The following TRPV1 variants were observed in gnomAD, a reference collection of about 807,000 sequenced individuals.
TRPV1 encodes the protein OTRPC1.
TRPV1 carries 82 observed loss-of-function variants against 82.3 expected under a neutral mutation model. That is an observed-to-expected ratio of 1.00 (90% CI 0.83 to 1.20). The LOEUF (loss-of-function observed/expected upper bound fraction) is 1.20, where lower values mean the gene tolerates loss of function less well. Ranked by LOEUF, TRPV1 falls within the 50% of genes most tolerant of loss-of-function variation. The pLI is 0.00. For missense variants in TRPV1, 1,067 were observed against 1,096.8 expected (o/e 0.97, Z 0.38); for synonymous variants, 515 against 467.7 (o/e 1.10, Z -1.30).
chr17:3,598,921 G>T (rs984232996), intron 2 of TRPV1, among the ~76,000 whole-genome samples: 1 of 150,674 alleles, frequency 6.6e-6, no homozygotes, highest in African/African-American at 2.4e-5. Flanking sequence ...TAATATGAAC[G>T]TTAGAATTCA....
chr17:3,583,489 G>A, intron 9 of TRPV1, 59 bp from the exon 10 acceptor site: 1 of 1,364,232 alleles, frequency 7.3e-7, no homozygotes, highest in East Asian at 2.5e-5. Flanking sequence ...CAACAAACAT[G>A]GACCAGGTCC....
chr17:3,594,160 C>CAAAAAAAA lies in TRPV1; in HGVS notation c.-33-1778_-33-1777insTTTTTTTT, dbSNP rs1567673375. On this transcript the variant is annotated intron_variant, in intron 2 of 16. Coordinates refer to ENST00000572705, the MANE Select transcript of TRPV1 (RefSeq NM_080704.4). ...AAAAAAAAAAAAAAAAAAGAAGCAGCAGCAGCAGCAGCAGCAGCAGCTGCA... is the reference window on the plus strand; with the variant it reads ...AAAAAAAAAAAAAAAAAAGAAGCAGCAAAAAAAAAGCAGCAGCAGCAGCAGCAGCTGCA... 3.0e-3 allele frequency among the ~76,000 whole-genome samples: 345 copies of CAAAAAAAA among 115,726 alleles called. 32 individuals carry two copies. The highest frequency in any genetic ancestry group is 0.025 in the African/African-American group (318 of 12,678). The allele number at this position is 115,726 out of a possible 152,430, so 75.9% of individuals were successfully genotyped here.
At position 3,577,633 on chromosome 17, in the gene TRPV1, G is replaced by A. The variant is rs199723270; in HGVS notation, c.1678C>T (p.Gln560Ter). 4.4e-5 allele frequency: 69 copies of A among 1,583,202 alleles called. No individual in the cohort carries two copies. Among genetic ancestry groups the A allele is most frequent in the Non-Finnish European group, 5.5e-5 (64 of 1,165,070 alleles). ...ATGACGGCATAGATGCCCATCTGCT[G>A]GAAACCGCGGGTGTAGTAGAGCATG... The part of the protein sequence containing the change: ...TNMLYYTRGF[Q>*]QMGIYAVMIE... Residue 560 changes from glutamine (Q) to a stop codon, truncating the protein, a stop_gained, in exon 12 of 17, where the codon CAG becomes TAG. Transcript: ENST00000572705. LOFTEE classifies it high-confidence loss of function.
At chr17:3,593,262 C>T (rs182575932) in intron 2 of TRPV1, among the ~76,000 whole-genome samples, 14 of 152,218 alleles carry the variant, frequency 9.2e-5, no homozygotes, top group South Asian at 6.2e-4. Flanking sequence ...GGATTACAGG[C>T]GCCCGCCACC....
chr17:3,585,469 G>A (rs543719226), intron 9 of TRPV1: 82 of 321,022 alleles, frequency 2.6e-4, no homozygotes, highest in African/African-American at 1.2e-3. Flanking sequence ...CTTTCTAACC[G>A]AGTACACCCC....
At chr17:3,596,862 A>G (rs1320263034) in intron 2 of TRPV1, 1 of 152,276 alleles carries the variant, frequency 6.6e-6, no homozygotes, top group Non-Finnish European at 1.5e-5. Flanking sequence ...GCCACTCACT[A>G]TGCCATCTTA....
rs2075322540 is a variant in TRPV1 at position 3,609,374 on chromosome 17, G to C, written c.-238C>G. The C allele has an allele frequency of 6.7e-6, 1 of 150,364 alleles. No individual in the cohort carries two copies. Among genetic ancestry groups the C allele is most frequent in the Non-Finnish European group, 1.5e-5 (1 of 67,694 alleles). 9.3% of individuals were successfully genotyped at this position (150,364 alleles called of 1,614,324 possible). On this transcript the variant is annotated 5_prime_UTR_variant, in exon 1 of 17. Coordinates refer to ENST00000572705, the MANE Select transcript of TRPV1 (RefSeq NM_080704.4). ...GAATACGACTGCTTCCCAAACTCGTGGTTGCCAGCGTGACTCTGGGCCAGG... is the reference window on the plus strand; with the variant it reads ...GAATACGACTGCTTCCCAAACTCGTCGTTGCCAGCGTGACTCTGGGCCAGG...
intron 11 of TRPV1, 33 bp from the exon 12 acceptor site, chr17:3,577,796 G>A (rs565878520): frequency 7.0e-6 from 11 of 1,566,450 alleles, no homozygotes; most frequent in African/African-American, 4.1e-5. Flanking sequence ...CTCCGTCTAC[G>A]GGAACCCAGG....
chr17:3,576,668 A>AAAAATATATATATATATATAT, intron 13 of TRPV1, among the ~76,000 whole-genome samples: 6 of 38,422 alleles, frequency 1.6e-4, no homozygotes, highest in Admixed American at 4.5e-4. Context: ...AAAAAAAAAA[A>AAAAATATATATATATATATAT]ATATATATAT....
chr17:3,575,573 A>C (rs2074919110), intron 13 of TRPV1, among the ~76,000 whole-genome samples: 2 of 152,188 alleles, frequency 1.3e-5, no homozygotes, highest in Non-Finnish European at 2.9e-5. Context: ...ACTCCTGGTG[A>C]AAGTCTGATG....
At position 3,587,761 on chromosome 17, in the gene TRPV1, C is replaced by T. The variant is rs961041495; in HGVS notation, c.1224+427G>A. 1.1e-4 allele frequency among the ~76,000 whole-genome samples: 17 copies of T among 150,686 alleles called. 3 individuals are homozygous for T. Among genetic ancestry groups the T allele is most frequent in the East Asian group, 2.0e-4 (1 of 5,116 alleles). On this transcript the variant is annotated intron_variant, in intron 8 of 16. Coordinates refer to ENST00000572705, the MANE Select transcript of TRPV1 (RefSeq NM_080704.4). Reference sequence around the variant, plus strand: ...CCGGGAGATAGAGGTTGCAGTGAGCCGGGATGGCACCATTTCACTCCAGCC... The same window carrying T: ...CCGGGAGATAGAGGTTGCAGTGAGCTGGGATGGCACCATTTCACTCCAGCC...
chr17:3,573,670 T>A lies in TRPV1; in HGVS notation c.2066A>T (p.Lys689Met). The A allele has an allele frequency of 6.2e-7, 1 of 1,613,972 alleles. No homozygotes were observed. Among genetic ancestry groups the A allele is most frequent in the African/African-American group, 1.3e-5 (1 of 74,992 alleles). Residue 689 changes from lysine (K) to methionine (M), a missense_variant, in exon 14 of 17, where the codon AAG (lysine) becomes ATG (methionine). Lys to Met is a moderately conservative substitution (Grantham distance 95, BLOSUM62 -1). Coordinates refer to ENST00000572705, the MANE Select transcript of TRPV1 (RefSeq NM_080704.4). ...GATGTTCTTGCTCTCCTGTGCGATCTTGTTGACAGTCTCACCCATGAGGGC... is the reference window on the plus strand; with the variant it reads ...GATGTTCTTGCTCTCCTGTGCGATCATGTTGACAGTCTCACCCATGAGGGC... ...LIALMGETVN[K>M]IAQESKNIWK...
intron 2 of TRPV1, among the ~76,000 whole-genome samples, chr17:3,607,255 A>C (rs551607735): frequency 9.2e-4 from 140 of 152,020 alleles, no homozygotes; most frequent in African/African-American, 2.9e-3. Flanking sequence ...GAGGTACAAG[A>C]ATTGCTTGAA....
chr17:3,595,414 C>T (rs2075210491), intron 2 of TRPV1, among the ~76,000 whole-genome samples: 1 of 152,096 alleles, frequency 6.6e-6, no homozygotes, highest in Non-Finnish European at 1.5e-5. Flanking sequence ...AGCAGTTCAA[C>T]TCAGACCCAG....
rs947124996 is a variant in TRPV1 at position 3,565,453 on chromosome 17, A to C, written c.*1362T>G. The C allele has an allele frequency of 6.6e-6, 1 of 152,242 alleles. No individual in the cohort carries two copies. Among genetic ancestry groups the C allele is most frequent in the Non-Finnish European group, 1.5e-5 (1 of 68,060 alleles). The allele number at this position is 152,242 out of a possible 1,614,324, so 9.4% of individuals were successfully genotyped here. ...TTTACACTTGACACGATATATATGT[A>C]TACATATCTGTTTATTTGAGGATGC... On this transcript the variant is annotated 3_prime_UTR_variant, in exon 17 of 17. Coordinates refer to ENST00000572705, the MANE Select transcript of TRPV1 (RefSeq NM_080704.4).
intron 8 of TRPV1, among the ~76,000 whole-genome samples, chr17:3,587,161 G>A (rs1389420831): frequency 6.6e-6 from 1 of 152,130 alleles, no homozygotes; most frequent in Non-Finnish European, 1.5e-5. Context: ...TCCTTGTTGA[G>A]GCCACCTCCT....
At chr17:3,572,970 A>G (rs224555) in intron 14 of TRPV1, among the ~76,000 whole-genome samples, 119,717 of 137,782 alleles carry the variant, frequency 0.87, 55,047 homozygotes, top group East Asian at 1. Context: ...GTGACAGAGT[A>G]AGACTCCATC....
intron 14 of TRPV1, 48 bp downstream of exon 14, chr17:3,573,585 G>A (rs200344377): frequency 2.7e-5 from 32 of 1,174,578 alleles, no homozygotes; most frequent in Middle Eastern, 2.3e-4. Flanking sequence ...AGACAGAGCC[G>A]CCCACACTCT....
chr17:3,580,520 T>TA lies in TRPV1; in HGVS notation c.1483dup (p.Tyr495LeufsTer19). 13 of 1,614,002 alleles carry TA rather than the reference T, an allele frequency of 8.1e-6. No individual in the cohort carries two copies. Among genetic ancestry groups the TA allele is most frequent in the Non-Finnish European group, 1.0e-5 (12 of 1,179,890 alleles). ...CATCGACGGCCGCCTCTGCAGGAAA[T>TA]ACTGAATCTGCAGGTAAACAGAGAG... On this transcript the variant is annotated frameshift_variant, in exon 11 of 17. Transcript: ENST00000572705. LOFTEE classifies it high-confidence loss of function.
Sources: allele counts gnomAD v4.1 joint callset (sites outside exome capture counted in the v4.1 genomes callset), GRCh38; gene constraint gnomAD v4.1.1; transcripts MANE v1.5; gene names NCBI Gene and HGNC (gene_info 2026-07-23, HGNC 2026-07-21).